NEK5: variants seen among roughly 807,000 people sequenced by gnomAD.
NEK5 encodes NIMA related kinase 5, also known as serine/threonine-protein kinase Nek5.
In NEK5, 88 loss-of-function variants were observed where a neutral mutation model predicts 109.2. That is an observed-to-expected ratio of 0.81 (90% CI 0.68 to 0.96). NEK5 has a LOEUF of 0.96. NEK5 is among the 40% of genes least tolerant of loss of function. The pLI is 0.00. For missense variants in NEK5, 834 were observed against 920.7 expected (o/e 0.91, Z 1.22); for synonymous variants, 283 against 299.9 (o/e 0.94, Z 0.58).
At position 52,101,995 on chromosome 13, in the gene NEK5, C is replaced by CTGAA; in HGVS notation, c.826_829dup (p.Ser277IlefsTer25). 1 of 1,614,118 alleles carries CTGAA rather than the reference C, an allele frequency of 6.2e-7. No homozygotes were observed. The highest frequency in any genetic ancestry group is 8.5e-7 in the Non-Finnish European group (1 of 1,179,994). On this transcript the variant is annotated frameshift_variant, in exon 11 of 24. Coordinates refer to ENST00000684899, the MANE Select transcript of NEK5 (RefSeq NM_001365552.1). LOFTEE classifies it high-confidence loss of function. ...TCCTGCTCTGCATATAAGCATGTGA[C>CTGAA]TGAATTCTTCCTGAATGACCTAAAA... is the stretch of plus-strand genomic sequence containing the variant.
At chr13:52,105,236 T>TAA (rs1159642193) in intron 8 of NEK5, among the ~76,000 whole-genome samples, 13 of 87,748 alleles carry the variant, frequency 1.5e-4, no homozygotes, top group Non-Finnish European at 3.1e-4. Flanking sequence ...GCTTTGTGCA[T>TAA]GAGTGTGTGT....
chr13:52,110,618 T>C (rs1259409662), intron 5 of NEK5, 41 bp from the exon 6 acceptor site: 3 of 1,241,654 alleles, frequency 2.4e-6, no homozygotes, highest in African/African-American at 1.5e-5. Flanking sequence ...AATAGCCTGG[T>C]AGTCACTGAA....
chr13:52,107,653 A>G (rs1282605696), intron 8 of NEK5, among the ~76,000 whole-genome samples: 2 of 152,266 alleles, frequency 1.3e-5, no homozygotes, highest in East Asian at 3.9e-4. Context: ...ACAAAAGCCC[A>G]CCAAGAGTTT....
intron 22 of NEK5, among the ~76,000 whole-genome samples, chr13:52,059,848 A>C (rs563310970): frequency 1.3e-5 from 2 of 152,038 alleles, no homozygotes; most frequent in Non-Finnish European, 2.9e-5. Context: ...AGATATACCT[A>C]ATGCTTGATG....
chr13:52,072,209 C>T, intron 19 of NEK5, 139 bp from the exon 20 acceptor site: 1 of 645,162 alleles, frequency 1.5e-6, no homozygotes, highest in Non-Finnish European at 2.6e-6. Flanking sequence ...ACAAATAAAT[C>T]CATAGAGTTT....
intron 3 of NEK5, among the ~76,000 whole-genome samples, chr13:52,122,518 C>T (rs1305841774): frequency 3.9e-5 from 6 of 152,174 alleles, no homozygotes; most frequent in Admixed American, 2.0e-4. Context: ...CCTGTAATCC[C>T]AGCACTTTGG....
intron 22 of NEK5, among the ~76,000 whole-genome samples, chr13:52,060,872 T>G (rs1488432585): frequency 3.3e-5 from 5 of 152,112 alleles, no homozygotes; most frequent in Non-Finnish European, 7.3e-5. Context: ...AAACTTTATT[T>G]TTTATTTTTA....
chr13:52,127,295 C>A, intron 3 of NEK5, 71 bp downstream of exon 3: 1 of 834,382 alleles, frequency 1.2e-6, no homozygotes. Context: ...TAAAAATTTC[C>A]TTTTTATATT....
At chr13:52,113,912 A>G (rs1052468068) in intron 4 of NEK5, among the ~76,000 whole-genome samples, 1 of 152,190 alleles carries the variant, frequency 6.6e-6, no homozygotes, top group Non-Finnish European at 1.5e-5. Context: ...ATGAACCAGA[A>G]AGTGAACCCT....
intron 12 of NEK5, among the ~76,000 whole-genome samples, chr13:52,098,249 A>G (rs1031554418): frequency 2.0e-5 from 3 of 147,950 alleles, no homozygotes; most frequent in African/African-American, 4.9e-5. Context: ...GTGACACAGC[A>G]GGACCCTCTT....
intron 17 of NEK5, among the ~76,000 whole-genome samples, chr13:52,080,459 G>A (rs1418173520): frequency 6.6e-6 from 1 of 152,034 alleles, no homozygotes; most frequent in Non-Finnish European, 1.5e-5. Flanking sequence ...AGAGGGGAAA[G>A]GCGGGGAAAA....
intron 12 of NEK5, among the ~76,000 whole-genome samples, chr13:52,098,186 C>A (rs1034784510): frequency 1.3e-5 from 2 of 152,056 alleles, no homozygotes; most frequent in African/African-American, 4.8e-5. Context: ...TGAGAACAGA[C>A]TAATACATCC....
At chr13:52,123,682 TAAG>T (rs1017486875) in intron 3 of NEK5, among the ~76,000 whole-genome samples, 4 of 152,008 alleles carry the variant, frequency 2.6e-5, no homozygotes, top group African/African-American at 4.8e-5. Context: ...TACAGCTAAA[TAAG>T]GAGGAGAAGG....
intron 8 of NEK5, among the ~76,000 whole-genome samples, chr13:52,107,546 C>T (rs771657388): frequency 4.6e-5 from 7 of 151,288 alleles, no homozygotes; most frequent in Non-Finnish European, 5.9e-5. Flanking sequence ...GAGCCGAGAT[C>T]GTGCCATTGC....
chr13:52,080,767 G>T (rs1432219480), intron 17 of NEK5, among the ~76,000 whole-genome samples: 2 of 151,734 alleles, frequency 1.3e-5, no homozygotes, highest in Non-Finnish European at 2.9e-5. Context: ...AAGGCCGCAG[G>T]GTCCTCTGCC....
At chr13:52,094,041 G>C (rs911391070) in intron 12 of NEK5, among the ~76,000 whole-genome samples, 6 of 152,144 alleles carry the variant, frequency 3.9e-5, no homozygotes, top group Non-Finnish European at 7.4e-5. Flanking sequence ...CATTCTTCCA[G>C]AGAAAATATT....
At chr13:52,054,522 G>T (rs1359323521) in intron 22 of NEK5, among the ~76,000 whole-genome samples, 2 of 152,212 alleles carry the variant, frequency 1.3e-5, no homozygotes, top group Admixed American at 1.3e-4. Flanking sequence ...AAAGACAGCA[G>T]TAACCTCTGC....
chr13:52,052,175 C>A (rs1486331843), intron 22 of NEK5, among the ~76,000 whole-genome samples: 1 of 133,392 alleles, frequency 7.5e-6, no homozygotes, highest in Non-Finnish European at 1.5e-5. Flanking sequence ...TAATTGATTT[C>A]TCATGTCTCC....
At chr13:52,065,447 T>C (rs1459588820) in intron 21 of NEK5, 37 bp downstream of exon 21, 4 of 1,614,008 alleles carry the variant, frequency 2.5e-6, no homozygotes, top group Non-Finnish European at 3.4e-6. Context: ...GTCCTTGGTC[T>C]TCCCTTCCTG....
Sources: allele counts gnomAD v4.1 joint callset (sites outside exome capture counted in the v4.1 genomes callset), GRCh38; gene constraint gnomAD v4.1.1; transcripts MANE v1.5; gene names NCBI Gene and HGNC (gene_info 2026-07-23, HGNC 2026-07-21).